MROH1: variants seen among roughly 807,000 people sequenced by gnomAD.
MROH1 encodes the protein maestro heat like repeat family member 1.
Under a neutral mutation model 116.5 loss-of-function variants are expected in MROH1, and 117 were observed. That is an observed-to-expected ratio of 1.00 (90% CI 0.86 to 1.17). MROH1 has a LOEUF of 1.17. MROH1 is among the 50% of genes most tolerant of loss of function. MROH1 has a pLI of 0.00. For missense variants in MROH1, 1,873 were observed against 1,338.5 expected (o/e 1.40, Z -6.23); for synonymous variants, 921 against 583.9 (o/e 1.58, Z -8.32).
chr8:144,239,203 C>CTCCCCCCTCCTGCCCCCACT (rs1840553162), intron 16 of MROH1, 24 bp downstream of exon 16: 1 of 749,336 alleles, frequency 1.3e-6, no homozygotes, highest in African/African-American at 1.7e-5. Context: ...CGTACCCCAC[C>CTCCCCCCTCCTGCCCCCACT]TCCCCACTCC....
intron 12 of MROH1, chr8:144,201,286 C>T (rs535242820): frequency 6.6e-6 from 1 of 152,240 alleles, no homozygotes; most frequent in East Asian, 1.9e-4. Context: ...GTCTCAATCT[C>T]CTGACCTCCT....
chr8:144,204,220 C>G (rs1218744047), intron 12 of MROH1, among the ~76,000 whole-genome samples: 1 of 152,154 alleles, frequency 6.6e-6, no homozygotes, highest in Non-Finnish European at 1.5e-5. Context: ...AAGCAATTCT[C>G]CCACCTCAGC....
At chr8:144,261,595 G>C in intron 43 of MROH1, 60 bp from the exon 44 acceptor site, 2 of 700,950 alleles carry the variant, frequency 2.9e-6, no homozygotes, top group South Asian at 3.0e-5. Context: ...CGTGGCCCAC[G>C]CGCAGGCATG....
chr8:144,175,621 TTATG>T (rs1323475923), intron 4 of MROH1: 2 of 11,000 alleles, frequency 1.8e-4, no homozygotes, highest in Non-Finnish European at 2.5e-3. Flanking sequence ...AGTGTCTAGA[TTATG>T]AAAGTCAGAA....
chr8:144,252,224 A>AT (rs1363217520), intron 33 of MROH1: 2 of 157,468 alleles, frequency 1.3e-5, no homozygotes, highest in Non-Finnish European at 2.8e-5. Context: ...TTTCGTGTGT[A>AT]TATAGGAGTG....
At chr8:144,149,291 G>C (rs1816169788) in intron 1 of MROH1, among the ~76,000 whole-genome samples, 1 of 152,162 alleles carries the variant, frequency 6.6e-6, no homozygotes, top group Non-Finnish European at 1.5e-5. Flanking sequence ...CCCGTGAACA[G>C]GTGTCTCTGG....
intron 12 of MROH1, among the ~76,000 whole-genome samples, chr8:144,216,684 CTTTTT>C (rs71320815): frequency 1.4e-5 from 2 of 142,924 alleles, no homozygotes; most frequent in African/African-American, 5.6e-5. Context: ...TTTTTTACTG[CTTTTT>C]TTTTTTTTTT....
chr8:144,178,512 G>A (rs759500908), intron 4 of MROH1, among the ~76,000 whole-genome samples: 30 of 151,974 alleles, frequency 2.0e-4, no homozygotes, highest in East Asian at 1.9e-3. Context: ...CAGGTGATCC[G>A]CCCGCCTCGG....
chr8:144,210,714 A>C (rs1318516932), intron 12 of MROH1, among the ~76,000 whole-genome samples: 5 of 152,026 alleles, frequency 3.3e-5, no homozygotes, highest in African/African-American at 1.2e-4. Context: ...CTCTCTATAT[A>C]TATATACATT....
intron 1 of MROH1, among the ~76,000 whole-genome samples, chr8:144,150,828 T>C (rs1816548027): frequency 6.6e-6 from 1 of 152,138 alleles, no homozygotes; most frequent in African/African-American, 2.4e-5. Context: ...GAGTAGAGCA[T>C]GGTCCCTGGC....
At chr8:144,200,892 ACT>A (rs1830971388) in intron 12 of MROH1, 1 of 236,600 alleles carries the variant, frequency 4.2e-6, no homozygotes, top group Non-Finnish European at 8.4e-6. Flanking sequence ...TCAAAGACAC[ACT>A]TTGGTTTAGT....
intron 10 of MROH1, chr8:144,193,314 A>C (rs1428130516): frequency 6.6e-6 from 1 of 152,294 alleles, no homozygotes; most frequent in Non-Finnish European, 1.5e-5. Flanking sequence ...AACGGAAATA[A>C]TATTCTAAGA....
At chr8:144,148,779 C>A (rs1045114265) in intron 1 of MROH1, 6 of 152,794 alleles carry the variant, frequency 3.9e-5, no homozygotes, top group African/African-American at 1.4e-4. Flanking sequence ...TCAGAGGAAA[C>A]CACTCTGCGG....
At chr8:144,220,869 C>A (rs947602781) in intron 13 of MROH1, among the ~76,000 whole-genome samples, 196 bp downstream of exon 13, 6 of 152,194 alleles carry the variant, frequency 3.9e-5, no homozygotes, top group Admixed American at 3.3e-4. Context: ...AGGAAACAGT[C>A]CCCAAGGCCA....
intron 14 of MROH1, among the ~76,000 whole-genome samples, chr8:144,226,938 G>C (rs1837932342): frequency 6.6e-6 from 1 of 152,096 alleles, no homozygotes; most frequent in African/African-American, 2.4e-5. Flanking sequence ...CTTCGATTTT[G>C]TTCACCAGTA....
chr8:144,179,726 A>C, intron 5 of MROH1, 140 bp downstream of exon 5: 1 of 1,101,450 alleles, frequency 9.1e-7, no homozygotes, highest in Non-Finnish European at 1.3e-6. Context: ...CTTCGGTCTC[A>C]TGCATCACCC....
rs1050978603 is a variant in MROH1, at chr8:144,261,735, G to A, written c.4921G>A (p.Ala1641Thr). Reference protein sequence around the residue: ...AEALGRLVKLA With the variant: ...AEALGRLVKLT ...GGCCCTGGGCCGCCTGGTGAAGCTC[G>A]CCTAAGGCTCCGGCCAGCACCCCCA... The change falls in exon 44 of 44, where the codon GCC becomes ACC. Residue 1641 changes from alanine to threonine, a missense_variant. By Grantham distance (58) the Ala-to-Thr change is moderately conservative. Coordinates refer to ENST00000326134, the MANE Select transcript of MROH1 (RefSeq NM_032450.3). The A allele has an allele frequency of 4.2e-5, 30 of 713,488 alleles. 1 individual carries two copies. Among genetic ancestry groups the A allele is most frequent in the Middle Eastern group, 3.5e-4 (1 of 2,880 alleles). The allele number at this position is 713,488 out of a possible 1,614,324, so 44.2% of individuals were successfully genotyped here.
intron 14 of MROH1, among the ~76,000 whole-genome samples, chr8:144,234,275 C>T (rs1554823835): frequency 2.0e-5 from 3 of 152,080 alleles, no homozygotes; most frequent in Admixed American, 2.0e-4. Flanking sequence ...TCCCAAAGTG[C>T]TGGAATTAAG....
Position 144,190,894 on chromosome 8 carries a change from G to C in MROH1, c.673G>C (p.Asp225His). Reference protein sequence around the residue: ...AFATDIFSAYDVLFHQWLQSR... With the variant: ...AFATDIFSAYHVLFHQWLQSR... The stretch of plus-strand genomic sequence containing the variant: ...TGCCACCGACATCTTCAGCGCCTAC[G>C]ATGTTCTCTTCCATCAGTGGCTGCA... The change falls in exon 8 of 44, where the codon GAT becomes CAT. Residue 225 changes from aspartate (D) to histidine (H), a missense_variant. Transcript: ENST00000326134. 6.2e-7 allele frequency: 1 copy of C among 1,613,676 alleles called. No individual in the cohort carries two copies.
Sources: gnomAD v4.1 joint callset for allele counts (sites outside exome capture counted in the v4.1 genomes callset) on GRCh38, gnomAD v4.1.1 for gene constraint, MANE v1.5 for transcripts, NCBI Gene and HGNC (gene_info 2026-07-23, HGNC 2026-07-21) for gene names.